Variants in DEPDC4 observed in about 807,000 individuals in gnomAD.
The protein encoded by DEPDC4 is DEP domain containing 4.
In DEPDC4, 52 loss-of-function variants were observed where a neutral mutation model predicts 52.0. The observed-to-expected ratio is 1.00, with a 90% confidence interval of 0.80 to 1.26. The LOEUF (loss-of-function observed/expected upper bound fraction) is 1.26, where lower values mean the gene tolerates loss of function less well. DEPDC4 is among the 50% of genes most tolerant of loss of function. The probability of loss-of-function intolerance (pLI) is 0.00; values close to 1 mark genes in which losing one functional copy is unlikely to be tolerated. For synonymous variants in DEPDC4, 201 were observed against 196.8 expected, an observed-to-expected ratio of 1.02 and a Z score of -0.18; for missense variants, 530 against 546.9, an observed-to-expected ratio of 0.97 and a Z score of 0.31.
At position 100,263,831 on chromosome 12, in the gene DEPDC4, G is replaced by C; in HGVS notation, c.220C>G (p.Gln74Glu). ...TGCCTCCTTCTTTTTATTTCCACTT[G>C]GGCCTGAAGAGAGTGAATAATACCA... Reference protein sequence around the residue: ...WDGIIHSLQAQVEIKRRRHHL... With the variant: ...WDGIIHSLQAEVEIKRRRHHL... The change falls in exon 2 of 10, where the codon CAA becomes GAA. Residue 74 changes from glutamine to glutamate, a missense_variant. By Grantham distance (29) the Gln-to-Glu change is conservative. Transcript: ENST00000550587. 3.1e-6 allele frequency: 5 copies of C among 1,614,040 alleles called. No homozygotes were observed. The highest frequency in any genetic ancestry group is 4.2e-6 in the Non-Finnish European group (5 of 1,179,988).
At chr12:100,261,376 T>C (rs1397152639) in intron 3 of DEPDC4, among the ~76,000 whole-genome samples, 1 of 152,190 alleles carries the variant, frequency 6.6e-6, no homozygotes, top group Non-Finnish European at 1.5e-5. Flanking sequence ...CATTAATGAA[T>C]TTTGTATGTA....
At chr12:100,244,967 G>A (rs1288579304) in intron 8 of DEPDC4, among the ~76,000 whole-genome samples, 1 of 151,910 alleles carries the variant, frequency 6.6e-6, no homozygotes, top group African/African-American at 2.4e-5. Flanking sequence ...TGCCTCCCGG[G>A]TTCAAGCGAG....
At chr12:100,246,198 A>G (rs539236192) in intron 8 of DEPDC4, among the ~76,000 whole-genome samples, 2 of 142,122 alleles carry the variant, frequency 1.4e-5, no homozygotes, top group South Asian at 4.4e-4. Context: ...GTGCTTACCT[A>G]TTTTTGCTCA....
chr12:100,279,380 A>G, the DEPDC4 span, among the ~76,000 whole-genome samples: 1 of 152,260 alleles, frequency 6.6e-6, no homozygotes, highest in Non-Finnish European at 1.5e-5. Flanking sequence ...CCTGCTCTGC[A>G]GCCCGGTTCC....
intron 8 of DEPDC4, among the ~76,000 whole-genome samples, chr12:100,247,201 G>T (rs75728482): frequency 7.0e-5 from 5 of 71,698 alleles, no homozygotes; most frequent in South Asian, 5.1e-4. Flanking sequence ...TCCCCTTAGT[G>T]TTTTTTTTTT....
At chr12:100,260,263 GGCAC>G (rs2096249179) in intron 3 of DEPDC4, among the ~76,000 whole-genome samples, 1 of 151,754 alleles carries the variant, frequency 6.6e-6, no homozygotes, top group Admixed American at 6.6e-5. Context: ...TAGGATTATA[GGCAC>G]GCACCACGAC....
intron 8 of DEPDC4, among the ~76,000 whole-genome samples, chr12:100,244,091 C>CTTTATA (rs2096172627): frequency 2.9e-5 from 1 of 34,992 alleles, no homozygotes; most frequent in Non-Finnish European, 5.3e-5. Context: ...CTCTCTCTCT[C>CTTTATA]TGTGTATATA....
the DEPDC4 span, among the ~76,000 whole-genome samples, chr12:100,279,821 T>G: frequency 1.3e-5 from 2 of 152,254 alleles, no homozygotes; most frequent in Non-Finnish European, 2.9e-5. Context: ...CTCTCTAGTT[T>G]GGTTCTTGCC....
chr12:100,281,121 C>T, the DEPDC4 span, among the ~76,000 whole-genome samples: 4 of 149,996 alleles, frequency 2.7e-5, no homozygotes, highest in East Asian at 2.0e-4. Flanking sequence ...CTCCCTCTCC[C>T]GGGCTCAAAC....
chr12:100,267,283 T>C, upstream of DEPDC4: 1 of 560,688 alleles, frequency 1.8e-6, no homozygotes, highest in Admixed American at 3.3e-5. Flanking sequence ...GGATATGGAG[T>C]AAAGCCAGAG....
intron 3 of DEPDC4, among the ~76,000 whole-genome samples, chr12:100,257,420 C>G (rs143335062): frequency 0.056 from 8,484 of 151,170 alleles, 768 homozygotes; most frequent in African/African-American, 0.19. Context: ...GAGTTTTGTT[C>G]TTGTTGCCCA....
chr12:100,238,540 G>A (rs2096146696), downstream of DEPDC4, among the ~76,000 whole-genome samples: 1 of 133,620 alleles, frequency 7.5e-6, no homozygotes, highest in Non-Finnish European at 1.5e-5. Flanking sequence ...AGGCTGGTGT[G>A]CAGTGGCATA....
upstream of DEPDC4, chr12:100,267,408 G>A (rs1299787495): frequency 1.4e-5 from 3 of 212,630 alleles, no homozygotes; most frequent in East Asian, 1.1e-4. Flanking sequence ...TAAGTGACCG[G>A]CCGCCGGCAC....
At chr12:100,269,078 C>A (rs548609112), upstream of DEPDC4, among the ~76,000 whole-genome samples, 4 of 152,278 alleles carry the variant, frequency 2.6e-5, no homozygotes, top group African/African-American at 9.6e-5. Context: ...GTGACTTTTT[C>A]AAAATGCAGA....
intron 9 of DEPDC4, among the ~76,000 whole-genome samples, chr12:100,233,112 G>A (rs1020545481): frequency 7.9e-5 from 12 of 152,106 alleles, no homozygotes; most frequent in Admixed American, 2.6e-4. Context: ...GGACTTGCGA[G>A]TCAAACACAG....
intron 8 of DEPDC4, among the ~76,000 whole-genome samples, chr12:100,248,045 T>C (rs534335301): frequency 6.4e-4 from 98 of 152,334 alleles, no homozygotes; most frequent in African/African-American, 2.2e-3. Flanking sequence ...ACACAGATTA[T>C]TGTGAAGATT....
In DEPDC4 at chr12:100,240,182, G is replaced by C. The variant is rs901429748; in HGVS notation, c.*1710C>G. ...TTTTTCCTTCTTTTTTTTGAGACAG[G>C]CTTCCTTTATTGCCCAGGCTGCAGT... On this transcript the variant is annotated 3_prime_UTR_variant, in exon 10 of 10. Transcript: ENST00000550587. Among the ~76,000 whole-genome samples, 1 of 151,264 alleles carries C rather than the reference G, an allele frequency of 6.6e-6. No homozygotes were observed. The highest frequency in any genetic ancestry group is 2.0e-4 in the East Asian group (1 of 5,108).
upstream of DEPDC4, chr12:100,267,255 G>T: frequency 1.6e-6 from 1 of 636,938 alleles, no homozygotes; most frequent in Non-Finnish European, 2.6e-6. Context: ...CGACGTTTGC[G>T]GCCGCGGGGG....
At chr12:100,256,971 T>A (rs1280978628) in intron 3 of DEPDC4, among the ~76,000 whole-genome samples, 1 of 151,998 alleles carries the variant, frequency 6.6e-6, no homozygotes, top group Non-Finnish European at 1.5e-5. Flanking sequence ...AAATACAGTA[T>A]TAGGCTAATT....
Sources: allele counts gnomAD v4.1 joint callset (sites outside exome capture counted in the v4.1 genomes callset), GRCh38; gene constraint gnomAD v4.1.1; transcripts MANE v1.5; gene names NCBI Gene and HGNC (gene_info 2026-07-23, HGNC 2026-07-21).